Variants in MYO10 observed in about 807,000 individuals in gnomAD.
MYO10 encodes the protein myosin X.
MYO10 carries 133 observed loss-of-function variants against 257.3 expected under a neutral mutation model. The observed-to-expected ratio is 0.52, with a 90% CI of 0.45 to 0.60. The LOEUF (loss-of-function observed/expected upper bound fraction) is 0.60. Ranked by LOEUF, MYO10 falls within the 20% of genes least tolerant of loss-of-function variation. The pLI, the probability that MYO10 is intolerant of heterozygous loss-of-function variation, is 0.00. For synonymous variants in MYO10, 1,104 were observed against 1,028.6 expected (o/e 1.07, Z -1.40); for missense variants, 2,399 against 2,635.7 (o/e 0.91, Z 1.97).
At chr5:16,707,138 G>A (rs981067036) in intron 21 of MYO10, among the ~76,000 whole-genome samples, 2 of 152,182 alleles carry the variant, frequency 1.3e-5, no homozygotes, top group Admixed American at 6.5e-5. Flanking sequence ...TGCCATGTAG[G>A]ATGTGCCTTT....
rs1393070998 is a variant in MYO10, at chr5:16,763,688, T to C, written c.1394A>G (p.His465Arg). Residue 465 changes from histidine (H) to arginine (R), a missense_variant, in exon 13 of 41, where the codon CAT becomes CGT. By Grantham distance (29) the His-to-Arg change is conservative. Transcript: ENST00000513610. ...NEKLQEYFNKHIFSLEQLEYS... is the reference protein window; with the variant it reads ...NEKLQEYFNKRIFSLEQLEYS... ...TTCTAGTTGTTCTAAAGAAAAAATA[T>C]GCTTGTTGAAGTACTCCTGAAGTTT... The C allele has an allele frequency of 6.2e-7, 1 of 1,610,872 alleles. No individual in the cohort carries two copies. Among genetic ancestry groups the C allele is most frequent in the Admixed American group, 1.7e-5 (1 of 59,926 alleles).
intron 1 of MYO10, among the ~76,000 whole-genome samples, chr5:16,889,208 T>A (rs10044722): frequency 1.4e-4 from 21 of 147,724 alleles, no homozygotes; most frequent in Non-Finnish European, 2.2e-4. Flanking sequence ...AAAAAAAAAA[T>A]CAGCCTGGCC....
At chr5:16,825,725 G>A (rs187983865) in intron 2 of MYO10, among the ~76,000 whole-genome samples, 8 of 152,256 alleles carry the variant, frequency 5.3e-5, no homozygotes, top group East Asian at 3.9e-4. Flanking sequence ...GGCATATGCC[G>A]GTAATCCCAG....
chr5:16,822,465 G>C (rs1308118257), intron 2 of MYO10, among the ~76,000 whole-genome samples: 1 of 152,108 alleles, frequency 6.6e-6, no homozygotes, highest in East Asian at 1.9e-4. Context: ...GGTGGTGATG[G>C]AGTCTATGAA....
chr5:16,818,504 A>G (rs1366413999), intron 2 of MYO10, among the ~76,000 whole-genome samples: 1 of 151,380 alleles, frequency 6.6e-6, no homozygotes, highest in East Asian at 1.9e-4. Flanking sequence ...TGGCATGATT[A>G]CAGCTCACCG....
At chr5:16,710,273 T>G (rs747529672) in intron 21 of MYO10, among the ~76,000 whole-genome samples, 1 of 152,054 alleles carries the variant, frequency 6.6e-6, no homozygotes, top group Non-Finnish European at 1.5e-5. Flanking sequence ...CCAAACGAGG[T>G]TCTTGGCAGT....
At chr5:16,860,222 T>C (rs1362083053) in intron 2 of MYO10, among the ~76,000 whole-genome samples, 2 of 152,150 alleles carry the variant, frequency 1.3e-5, no homozygotes, top group African/African-American at 4.8e-5. Context: ...TGGAGATTTA[T>C]ACCATCAGAA....
At chr5:16,694,985 T>C (rs1737669635) in intron 26 of MYO10, among the ~76,000 whole-genome samples, 1 of 152,218 alleles carries the variant, frequency 6.6e-6, no homozygotes, top group Admixed American at 6.5e-5. Flanking sequence ...TATCCCAAAA[T>C]GCACCAGAGA....
rs116616195 is a variant in MYO10 at position 16,780,650 on chromosome 5, T to A, written c.742-42A>T. 5,731 of 1,549,422 alleles carry A rather than the reference T, an allele frequency of 3.7e-3. 14 individuals are homozygous for A. The highest frequency in any genetic ancestry group is 4.1e-3 in the Non-Finnish European group (4,701 of 1,138,994). ...GATTTATATTCAGAGATGTGTCCTGTGCTTAATTCACACAAACCAATAATT... is the reference window on the plus strand; with the variant it reads ...GATTTATATTCAGAGATGTGTCCTGAGCTTAATTCACACAAACCAATAATT... On this transcript the variant is annotated intron_variant, in intron 7 of 40. Transcript: ENST00000513610.
At chr5:16,809,167 G>GA (rs1553998520) in intron 3 of MYO10, among the ~76,000 whole-genome samples, 96 of 142,752 alleles carry the variant, frequency 6.7e-4, no homozygotes, top group African/African-American at 1.2e-3. Context: ...ATTTCATGTG[G>GA]AAAAAAAAAA....
chr5:16,887,237 A>C (rs17614326), intron 1 of MYO10, among the ~76,000 whole-genome samples: 3,694 of 152,320 alleles, frequency 0.024, 50 homozygotes, highest in Middle Eastern at 0.037. Flanking sequence ...ATAACATGAA[A>C]AGTTTACGAT....
At chr5:16,854,073 A>C (rs1441922759) in intron 2 of MYO10, 1 of 152,048 alleles carries the variant, frequency 6.6e-6, no homozygotes, top group Non-Finnish European at 1.5e-5. Flanking sequence ...CCTGGTTAAT[A>C]CTCGGATGGG....
intron 1 of MYO10, among the ~76,000 whole-genome samples, chr5:16,933,229 T>C (rs1469510358): frequency 1.3e-5 from 2 of 152,164 alleles, no homozygotes; most frequent in Non-Finnish European, 2.9e-5. Context: ...TTGTCACAAC[T>C]TGGGGGATAG....
At chr5:16,847,268 C>CA (rs1743663414) in intron 2 of MYO10, among the ~76,000 whole-genome samples, 1 of 151,774 alleles carries the variant, frequency 6.6e-6, no homozygotes, top group Non-Finnish European at 1.5e-5. Context: ...TATTAAAATA[C>CA]AAAAAATTAG....
At chr5:16,734,337 T>C (rs1739703244) in intron 19 of MYO10, among the ~76,000 whole-genome samples, 3 of 152,190 alleles carry the variant, frequency 2.0e-5, no homozygotes, top group African/African-American at 4.8e-5. Context: ...GAATTTGATA[T>C]TCCCCACGCC....
intron 30 of MYO10, among the ~76,000 whole-genome samples, chr5:16,683,656 G>A (rs572109763): frequency 2.0e-5 from 3 of 152,190 alleles, no homozygotes; most frequent in East Asian, 1.9e-4. Flanking sequence ...AGGTTCCCAC[G>A]GTTTTCCCCA....
intron 1 of MYO10, among the ~76,000 whole-genome samples, chr5:16,927,614 G>T (rs1022700461): frequency 6.6e-6 from 1 of 152,086 alleles, no homozygotes; most frequent in Non-Finnish European, 1.5e-5. Flanking sequence ...TTGAGCCACC[G>T]CGCCCGGCCT....
At chr5:16,816,537 C>CTT (rs372989287) in intron 3 of MYO10, among the ~76,000 whole-genome samples, 11 of 140,442 alleles carry the variant, frequency 7.8e-5, no homozygotes, top group Non-Finnish European at 9.3e-5. Context: ...GCTGATTTTT[C>CTT]TTTTTTTTTT....
At chr5:16,872,961 A>G (rs2126757771) in intron 2 of MYO10, among the ~76,000 whole-genome samples, 1 of 152,220 alleles carries the variant, frequency 6.6e-6, no homozygotes, top group South Asian at 2.1e-4. Context: ...CAGGCAAACC[A>G]TATCATTTCA....
Sources: gnomAD v4.1 joint callset for allele counts (sites outside exome capture counted in the v4.1 genomes callset) on GRCh38, gnomAD v4.1.1 for gene constraint, MANE v1.5 for transcripts, NCBI Gene and HGNC (gene_info 2026-07-23, HGNC 2026-07-21) for gene names.